LINGO2: variants seen among roughly 807,000 people sequenced by gnomAD.
LINGO2 encodes leucine rich repeat and Ig domain containing 2.
Under a neutral mutation model 30.6 loss-of-function variants are expected in LINGO2, and 14 were observed. That is an observed-to-expected ratio of 0.46 (90% CI 0.30 to 0.72). The LOEUF is 0.72. Among genes scored for constraint, LINGO2 ranks in the 30% least tolerant of loss-of-function variants. LINGO2 has a pLI of 0.07. For missense variants in LINGO2, 729 were observed against 751.7 expected, an observed-to-expected ratio of 0.97 and a Z score of 0.35; for synonymous variants, 317 against 288.5, an observed-to-expected ratio of 1.10 and a Z score of -1.00.
At chr9:28,552,817 G>A (rs372342638) in intron 1 of LINGO2, among the ~76,000 whole-genome samples, 9 of 149,146 alleles carry the variant, frequency 6.0e-5, no homozygotes, top group East Asian at 3.9e-4. Flanking sequence ...TTCTGGAACA[G>A]CTTTTCAACT....
intron 4 of LINGO2, among the ~76,000 whole-genome samples, chr9:28,102,205 G>A (rs555007648): frequency 6.6e-6 from 1 of 151,840 alleles, no homozygotes; most frequent in East Asian, 1.9e-4. Flanking sequence ...AAATATTTCT[G>A]GTGGGACTAT....
chr9:29,181,067 T>C, the LINGO2 span, among the ~76,000 whole-genome samples: 3 of 152,222 alleles, frequency 2.0e-5, no homozygotes, highest in Non-Finnish European at 2.9e-5. Context: ...AGTGGGAAAG[T>C]AACTGCTATG....
At chr9:29,189,106 C>G in the LINGO2 span, among the ~76,000 whole-genome samples, 901 of 77,986 alleles carry the variant, frequency 0.012, 32 homozygotes, top group Non-Finnish European at 0.021. Flanking sequence ...CCGACCGCCC[C>G]GCCTCCCTCC....
chr9:28,277,451 T>C lies in LINGO2; in HGVS notation c.-87+17757A>G, dbSNP rs956219743. On this transcript the variant is annotated intron_variant, in intron 4 of 5. Transcript: ENST00000379992. ...GAAATTAGGCCAATTAGTAACTCTA[T>C]ACTGCCCTTTAACTGTTCAAATTAA... 5.3e-5 allele frequency among the ~76,000 whole-genome samples: 8 copies of C among 152,272 alleles called. No homozygotes were observed. In the East Asian group the frequency reaches 1.5e-3, roughly 29 times the overall value.
At chr9:28,861,577 AAAAATAAAAT>A in the LINGO2 span, among the ~76,000 whole-genome samples, 59 of 150,924 alleles carry the variant, frequency 3.9e-4, no homozygotes, top group East Asian at 9.2e-3. Context: ...GTGTTGCTAC[AAAAATAAAAT>A]AAAATAAAAT....
At chr9:28,055,169 T>A (rs1354922792) in intron 4 of LINGO2, among the ~76,000 whole-genome samples, 1 of 152,196 alleles carries the variant, frequency 6.6e-6, no homozygotes, top group Non-Finnish European at 1.5e-5. Flanking sequence ...GGTTTATCCT[T>A]ATGTAAATTG....
chr9:27,946,864 G>C (rs961790690), downstream of LINGO2, among the ~76,000 whole-genome samples: 1 of 152,106 alleles, frequency 6.6e-6, no homozygotes, highest in Admixed American at 6.6e-5. Flanking sequence ...TATTAGGGGA[G>C]AAATGGGTTT....
the LINGO2 span, among the ~76,000 whole-genome samples, chr9:29,153,343 A>C: frequency 6.6e-6 from 1 of 152,134 alleles, no homozygotes; most frequent in South Asian, 2.1e-4. Context: ...CTTTTATTAA[A>C]GGTAACATGA....
chr9:28,385,995 A>G (rs1296704606), intron 2 of LINGO2, among the ~76,000 whole-genome samples: 2 of 152,198 alleles, frequency 1.3e-5, no homozygotes, highest in East Asian at 3.8e-4. Context: ...ATAGCAGCAG[A>G]TAATTGCCTT....
At chr9:28,491,158 C>G (rs370424028) in intron 1 of LINGO2, among the ~76,000 whole-genome samples, 1 of 152,146 alleles carries the variant, frequency 6.6e-6, no homozygotes, top group African/African-American at 2.4e-5. Flanking sequence ...TTTCTTCAAG[C>G]TCTGGAAGTA....
At chr9:28,961,707 G>GA in the LINGO2 span, among the ~76,000 whole-genome samples, 1 of 152,122 alleles carries the variant, frequency 6.6e-6, no homozygotes, top group South Asian at 2.1e-4. Context: ...CGTTCAAGGT[G>GA]AAAAAATCAG....
At chr9:28,474,365 C>A (rs1216076763) in intron 2 of LINGO2, among the ~76,000 whole-genome samples, 1 of 151,160 alleles carries the variant, frequency 6.6e-6, no homozygotes, top group African/African-American at 2.5e-5. Context: ...CTAAATACAG[C>A]TTAACTTACC....
rs575900057 is a variant in LINGO2 at position 28,329,287 on chromosome 9, G to T, written c.-245-33921C>A. On this transcript the variant is annotated intron_variant, in intron 3 of 5. Coordinates refer to ENST00000379992, the Ensembl canonical transcript of LINGO2. This position sits in a 1 kb window ranked among gnomAD's most constrained non-coding sequence, Gnocchi z 4.5. ...TCTCTCCATTTCTAGTCATAATTCT[G>T]TCCCATGGCACAAAGCAGAGCTTCT... Among the ~76,000 whole-genome samples the T allele has an allele frequency of 1.3e-4, 20 of 152,132 alleles. No individual in the cohort carries two copies. The highest frequency in any genetic ancestry group is 6.8e-3 in the Middle Eastern group (2 of 294).
At chr9:28,008,433 G>A (rs1477018012) in intron 5 of LINGO2, among the ~76,000 whole-genome samples, 1 of 151,828 alleles carries the variant, frequency 6.6e-6, no homozygotes, top group African/African-American at 2.4e-5. Flanking sequence ...CTCCACTCTT[G>A]CAACTTCTAT....
rs145229550 is a variant in LINGO2 at position 28,456,595 on chromosome 9, T to C, written c.-279+19345A>G. ...CAGACAAGAGACTGTTGCAGATGTT[T>C]TTTGAGAAATTGCCCAGTAGTCTAC... On this transcript the variant is annotated intron_variant, in intron 2 of 5. Coordinates refer to ENST00000379992, the Ensembl canonical transcript of LINGO2. Among the ~76,000 whole-genome samples the C allele has an allele frequency of 1.8e-4, 28 of 152,284 alleles. No individual in the cohort carries two copies. The East Asian group carries it at 5.2e-3, about 28-fold the overall frequency.
At chr9:28,232,167 G>A (rs919176914) in intron 4 of LINGO2, among the ~76,000 whole-genome samples, 2 of 152,060 alleles carry the variant, frequency 1.3e-5, no homozygotes, top group Admixed American at 6.5e-5. Flanking sequence ...GGGAGGCCAA[G>A]GCGGGCAGAT....
the LINGO2 span, among the ~76,000 whole-genome samples, chr9:28,866,684 A>T: frequency 6.6e-6 from 1 of 152,182 alleles, no homozygotes; most frequent in African/African-American, 2.4e-5. Context: ...TTTGCCAAAA[A>T]ATTCTGAGTG....
At chr9:28,353,549 T>C (rs1035990144) in intron 3 of LINGO2, among the ~76,000 whole-genome samples, 27 of 151,202 alleles carry the variant, frequency 1.8e-4, no homozygotes, top group African/African-American at 6.5e-4. Context: ...TTTTACACTG[T>C]TGGTGGGACT....
chr9:28,959,313 G>C, the LINGO2 span, among the ~76,000 whole-genome samples: 2 of 152,032 alleles, frequency 1.3e-5, no homozygotes, highest in South Asian at 2.1e-4. Flanking sequence ...TGTCTCATAA[G>C]AACAATAAAG....
Sources: gnomAD v4.1 joint callset for allele counts (sites outside exome capture counted in the v4.1 genomes callset) on GRCh38, gnomAD v4.1.1 for gene constraint, Gnocchi (gnomAD v3.1) non-coding constraint, MANE v1.5 for transcripts, NCBI Gene and HGNC (gene_info 2026-07-23, HGNC 2026-07-21) for gene names.